The following SCAPER variants were observed in gnomAD, a reference collection of about 807,000 sequenced individuals.
The protein encoded by SCAPER is S phase cyclin A-associated protein in the endoplasmic reticulum.
In SCAPER, 98 loss-of-function variants were observed where a neutral mutation model predicts 182.2. The ratio of observed to expected loss-of-function variants is 0.54; its 90% CI spans 0.46 to 0.64. The LOEUF is 0.64. Ranked by LOEUF, SCAPER falls within the 30% of genes least tolerant of loss-of-function variation. The probability of loss-of-function intolerance (pLI) is 0.00; values close to 1 mark genes in which losing one functional copy is unlikely to be tolerated. For synonymous variants in SCAPER, 605 were observed against 564.6 expected (o/e 1.07, Z -1.01); for missense variants, 1,432 against 1,690.0 (o/e 0.85, Z 2.68).
At chr15:76,605,080 G>A (rs371276424) in intron 22 of SCAPER, among the ~76,000 whole-genome samples, 28 of 152,066 alleles carry the variant, frequency 1.8e-4, no homozygotes, top group African/African-American at 6.0e-4. Context: ...GTGGTGAGAG[G>A]GGGCATCCCT....
intron 24 of SCAPER, among the ~76,000 whole-genome samples, chr15:76,475,970 T>G (rs1262338356): frequency 1.3e-5 from 2 of 152,188 alleles, no homozygotes; most frequent in Non-Finnish European, 2.9e-5. Context: ...TTAGAAATCA[T>G]CATGGTTACT....
At chr15:76,533,284 C>T (rs1027569350) in intron 23 of SCAPER, among the ~76,000 whole-genome samples, 6 of 152,112 alleles carry the variant, frequency 3.9e-5, no homozygotes, top group East Asian at 1.9e-4. Flanking sequence ...TGCCACATAA[C>T]GATGTTTCAG....
intron 21 of SCAPER, among the ~76,000 whole-genome samples, chr15:76,646,526 T>C (rs967795054): frequency 6.6e-6 from 1 of 152,188 alleles, no homozygotes; most frequent in Non-Finnish European, 1.5e-5. Context: ...AATGGCAATA[T>C]ATTACACAAA....
chr15:76,418,266 G>T (rs2045795588), intron 26 of SCAPER, among the ~76,000 whole-genome samples: 1 of 152,188 alleles, frequency 6.6e-6, no homozygotes, highest in Non-Finnish European at 1.5e-5. Context: ...TCCTGCCTCT[G>T]CCACACTGTC....
intron 4 of SCAPER, among the ~76,000 whole-genome samples, chr15:76,853,108 C>T (rs2070934492): frequency 1.3e-5 from 2 of 152,142 alleles, no homozygotes; most frequent in African/African-American, 4.8e-5. Context: ...GACACATACT[C>T]CCTCCCAAGA....
intron 1 of SCAPER, among the ~76,000 whole-genome samples, chr15:76,886,848 C>T (rs568196371): frequency 9.6e-4 from 146 of 152,164 alleles, no homozygotes; most frequent in African/African-American, 3.3e-3. Context: ...ATGTCCTTTG[C>T]AGGGACATGA....
At chr15:76,511,691 C>A (rs1232095912) in intron 23 of SCAPER, among the ~76,000 whole-genome samples, 1 of 152,056 alleles carries the variant, frequency 6.6e-6, no homozygotes, top group East Asian at 1.9e-4. Context: ...TGTATCTCCA[C>A]TAAACTCTGA....
intron 4 of SCAPER, among the ~76,000 whole-genome samples, chr15:76,847,144 A>T (rs767719996): frequency 6.6e-6 from 1 of 152,180 alleles, no homozygotes; most frequent in African/African-American, 2.4e-5. Context: ...GCTAAATACC[A>T]TATCAATTGC....
intron 24 of SCAPER, among the ~76,000 whole-genome samples, chr15:76,476,056 A>G (rs2143007894): frequency 6.6e-6 from 1 of 152,308 alleles, no homozygotes; most frequent in East Asian, 1.9e-4. Context: ...GTATCCTACA[A>G]GATTTGGAGG....
chr15:76,789,688 A>G (rs758434687), intron 8 of SCAPER, among the ~76,000 whole-genome samples: 13 of 152,262 alleles, frequency 8.5e-5, no homozygotes, highest in Non-Finnish European at 1.6e-4. Context: ...TCATGCAATT[A>G]AACTGTCAGA....
At chr15:76,516,125 T>A (rs1354202914) in intron 23 of SCAPER, among the ~76,000 whole-genome samples, 1 of 151,300 alleles carries the variant, frequency 6.6e-6, no homozygotes, top group Non-Finnish European at 1.5e-5. Flanking sequence ...TTGGCATCAG[T>A]TTTTTTTGCG....
At chr15:76,609,502 A>C (rs1389299994) in intron 22 of SCAPER, among the ~76,000 whole-genome samples, 1 of 151,422 alleles carries the variant, frequency 6.6e-6, no homozygotes, top group Non-Finnish European at 1.5e-5. Context: ...GTGTCACTTA[A>C]AAAAAAAATT....
chr15:76,742,981 TA>T (rs1238883691), intron 15 of SCAPER, among the ~76,000 whole-genome samples: 1 of 152,134 alleles, frequency 6.6e-6, no homozygotes, highest in Non-Finnish European at 1.5e-5. Flanking sequence ...GCTTTTGTTA[TA>T]ACAAAGATGA....
In SCAPER at chr15:76,351,735, A is replaced by G. The variant is rs865868287; in HGVS notation, c.4048-447T>C. On this transcript the variant is annotated intron_variant, in intron 30 of 31. Coordinates refer to ENST00000563290, the MANE Select transcript of SCAPER (RefSeq NM_020843.4). ...CAGAAACCTAAGACAACCAGCTGCT[A>G]TTTTAATATCATTTTCTAGTAACTC... 2.0e-5 allele frequency among the ~76,000 whole-genome samples: 3 copies of G among 152,190 alleles called. No individual in the cohort carries two copies. In the South Asian group the frequency reaches 6.2e-4, roughly 31 times the overall value.
At chr15:76,617,843 T>C (rs1321586586) in intron 22 of SCAPER, among the ~76,000 whole-genome samples, 1 of 152,232 alleles carries the variant, frequency 6.6e-6, no homozygotes, top group African/African-American at 2.4e-5. Flanking sequence ...AAAGTTCTAC[T>C]GCAAAGGGGC....
chr15:76,381,204 C>G lies in SCAPER; in HGVS notation c.3705+174G>C, dbSNP rs541956151. On this transcript the variant is annotated intron_variant, in intron 28 of 31. Transcript: ENST00000563290. ...AATGAGAATGCTAGATGTTATAGAG[C>G]ATCTAATACAGTTCCCAGAAAATAG... 2.8e-5 allele frequency: 10 copies of G among 352,692 alleles called. 1 individual carries two copies. The highest frequency in any genetic ancestry group is 1.9e-4 in the African/African-American group (9 of 46,974). 21.8% of individuals were successfully genotyped at this position (352,692 alleles called of 1,614,324 possible).
At chr15:76,551,653 C>T (rs1270161921) in intron 23 of SCAPER, among the ~76,000 whole-genome samples, 1 of 152,038 alleles carries the variant, frequency 6.6e-6, no homozygotes, top group East Asian at 1.9e-4. Flanking sequence ...GTAGGGTGAC[C>T]ATAGTTAACA....
intron 25 of SCAPER, among the ~76,000 whole-genome samples, chr15:76,457,196 G>A (rs1198270118): frequency 6.6e-6 from 1 of 152,028 alleles, no homozygotes; most frequent in African/African-American, 2.4e-5. Context: ...CCAAGCAGCT[G>A]GGACTACAGG....
chr15:76,690,518 TA>T, intron 20 of SCAPER, among the ~76,000 whole-genome samples: 1 of 152,296 alleles, frequency 6.6e-6, no homozygotes, highest in Admixed American at 6.5e-5. Context: ...TTAGTTATAT[TA>T]ATGTACCACT....
Sources: gnomAD v4.1 joint callset for allele counts (sites outside exome capture counted in the v4.1 genomes callset) on GRCh38, gnomAD v4.1.1 for gene constraint, MANE v1.5 for transcripts, NCBI Gene and HGNC (gene_info 2026-07-23, HGNC 2026-07-21) for gene names.